Variants in ADCY8 observed in about 807,000 individuals in gnomAD.
ADCY8 encodes adenylate cyclase 8, also known as adenylate cyclase type 8.
A neutral mutation model predicts 119.7 loss-of-function variants in ADCY8; 51 were observed. The observed-to-expected ratio is 0.43, with a 90% CI of 0.34 to 0.54. The LOEUF is 0.54. Ranked by LOEUF, ADCY8 falls within the 20% of genes least tolerant of loss-of-function variation. The pLI is 0.03. For synonymous variants in ADCY8, 665 were observed against 651.0 expected, an observed-to-expected ratio of 1.02 and a Z score of -0.33; for missense variants, 1,383 against 1,598.8, an observed-to-expected ratio of 0.87 and a Z score of 2.30.
In ADCY8 at chr8:130,935,569, A is replaced by C. The variant is rs541842725; in HGVS notation, c.1481+1504T>G. Reference sequence around the variant, plus strand: ...TTCCTGCTGCTCCTTTTTGCAAGACAATGTGCTACAGCAACTGCACACCCT... The same window carrying C: ...TTCCTGCTGCTCCTTTTTGCAAGACCATGTGCTACAGCAACTGCACACCCT... On this transcript the variant is annotated intron_variant, in intron 5 of 17. Transcript: ENST00000286355. 337 of 152,370 alleles carry C rather than the reference A, an allele frequency of 2.2e-3. 2 individuals are homozygous for C. The highest frequency in any genetic ancestry group is 7.9e-3 in the African/African-American group (327 of 41,554). 9.4% of individuals were successfully genotyped at this position (152,370 alleles called of 1,614,324 possible). A position where few individuals can be genotyped will look rare whatever the true frequency, so the allele number is the denominator to read the frequency against.
At chr8:130,874,343 AAATAAATAAAT>A (rs2130422791) in intron 8 of ADCY8, among the ~76,000 whole-genome samples, 1 of 108,710 alleles carries the variant, frequency 9.2e-6, no homozygotes, top group South Asian at 2.9e-4. Context: ...ATAAATAAAT[AAATAAATAAAT>A]AAAATACACC....
At chr8:130,820,736 T>C (rs1269866453) in intron 13 of ADCY8, among the ~76,000 whole-genome samples, 2 of 152,192 alleles carry the variant, frequency 1.3e-5, no homozygotes, top group East Asian at 3.8e-4. Context: ...TAGGGGCTCA[T>C]GGAAAGCATA....
chr8:130,810,283 A>ACAGTCCT (rs1264856384), intron 14 of ADCY8, among the ~76,000 whole-genome samples: 1 of 152,086 alleles, frequency 6.6e-6, no homozygotes, highest in Admixed American at 6.5e-5. Context: ...GCCGGCCACT[A>ACAGTCCT]CAGTCCTGCC....
chr8:130,913,675 G>A (rs1477742017), intron 5 of ADCY8, among the ~76,000 whole-genome samples: 1 of 152,004 alleles, frequency 6.6e-6, no homozygotes. Flanking sequence ...CTGTAATAAA[G>A]TGTGAATGAA....
chr8:130,948,718 G>A (rs1029489752), intron 3 of ADCY8, among the ~76,000 whole-genome samples: 8 of 151,848 alleles, frequency 5.3e-5, no homozygotes, highest in Non-Finnish European at 1.2e-4. Flanking sequence ...GAGGGTGACG[G>A]GCTTGGAAAT....
At chr8:130,819,571 C>T (rs1816445463) in intron 13 of ADCY8, among the ~76,000 whole-genome samples, 1 of 152,156 alleles carries the variant, frequency 6.6e-6, no homozygotes, top group Non-Finnish European at 1.5e-5. Flanking sequence ...TCAGCTATTT[C>T]CAGGGATTTC....
At chr8:130,920,796 A>G (rs1449240194) in intron 5 of ADCY8, among the ~76,000 whole-genome samples, 1 of 152,192 alleles carries the variant, frequency 6.6e-6, no homozygotes, top group African/African-American at 2.4e-5. Flanking sequence ...ACCCTCCACA[A>G]TGTGTGTGGG....
chr8:130,862,773 T>G (rs1817983704), intron 9 of ADCY8, among the ~76,000 whole-genome samples: 1 of 152,232 alleles, frequency 6.6e-6, no homozygotes, highest in Non-Finnish European at 1.5e-5. Context: ...GAGTGTGTTA[T>G]TTAATCTCCA....
intron 14 of ADCY8, among the ~76,000 whole-genome samples, chr8:130,808,412 G>A (rs970657166): frequency 1.4e-4 from 21 of 152,260 alleles, no homozygotes; most frequent in Middle Eastern, 3.4e-3. Flanking sequence ...ACCAGTGTGC[G>A]TTTAAAATAT....
chr8:130,935,589 C>T (rs773946369), intron 5 of ADCY8: 7 of 152,268 alleles, frequency 4.6e-5, no homozygotes, highest in Non-Finnish European at 8.8e-5. Flanking sequence ...AGCAACTGCA[C>T]ACCCTACTCA....
chr8:130,957,847 T>C (rs573042184), intron 2 of ADCY8, among the ~76,000 whole-genome samples: 2 of 152,338 alleles, frequency 1.3e-5, no homozygotes, highest in East Asian at 1.9e-4. Flanking sequence ...AAGTTAAGAA[T>C]TGGGGTTTGG....
At chr8:130,991,032 G>T (rs989238661) in intron 1 of ADCY8, among the ~76,000 whole-genome samples, 1 of 152,186 alleles carries the variant, frequency 6.6e-6, no homozygotes, top group Non-Finnish European at 1.5e-5. Context: ...TCCAAGTCTT[G>T]TTTCTAACTC....
At chr8:130,930,714 C>T (rs1326729470) in intron 5 of ADCY8, among the ~76,000 whole-genome samples, 1 of 152,040 alleles carries the variant, frequency 6.6e-6, no homozygotes, top group Non-Finnish European at 1.5e-5. Context: ...CACTTCTCTC[C>T]AGCATTTTCT....
At chr8:131,014,636 G>T (rs1823412851) in intron 1 of ADCY8, among the ~76,000 whole-genome samples, 1 of 152,146 alleles carries the variant, frequency 6.6e-6, no homozygotes. Context: ...TAGCCTAGTA[G>T]TTCAAAGATC....
In ADCY8 at chr8:131,040,502, T is replaced by C; in HGVS notation, c.-169A>G. ...GGGCTCCCTGTAGGTCGGGTCATAC[T>C]GTGCCCAGGGGCAAAGGGCACCTGG... On this transcript the variant is annotated 5_prime_UTR_variant, in exon 1 of 18. Coordinates refer to ENST00000286355, the MANE Select transcript of ADCY8 (RefSeq NM_001115.3). 1.3e-6 allele frequency: 1 copy of C among 774,248 alleles called. No individual in the cohort carries two copies. The highest frequency in any genetic ancestry group is 1.8e-6 in the Non-Finnish European group (1 of 555,774). The allele number at this position is 774,248 out of a possible 1,614,324, so 48.0% of individuals were successfully genotyped here.
At chr8:130,988,007 G>T (rs1337411435) in intron 2 of ADCY8, among the ~76,000 whole-genome samples, 1 of 152,172 alleles carries the variant, frequency 6.6e-6, no homozygotes, top group Non-Finnish European at 1.5e-5. Flanking sequence ...CTCACACAAA[G>T]TAATTCTAAC....
At chr8:131,018,922 T>C (rs1586660597) in intron 1 of ADCY8, among the ~76,000 whole-genome samples, 1 of 152,150 alleles carries the variant, frequency 6.6e-6, no homozygotes, top group African/African-American at 2.4e-5. Flanking sequence ...TGTCTATCAG[T>C]GGAGGTCTAT....
intron 14 of ADCY8, among the ~76,000 whole-genome samples, chr8:130,812,870 T>C (rs1353624933): frequency 6.6e-6 from 1 of 152,188 alleles, no homozygotes; most frequent in East Asian, 1.9e-4. Context: ...CATACATACA[T>C]TTATGTATAT....
intron 4 of ADCY8, among the ~76,000 whole-genome samples, chr8:130,942,401 A>G (rs1820982768): frequency 1.3e-5 from 2 of 152,174 alleles, no homozygotes; most frequent in South Asian, 4.1e-4. Context: ...CTTCCTCATA[A>G]CACATGGCAC....
Sources: allele counts gnomAD v4.1 joint callset (sites outside exome capture counted in the v4.1 genomes callset), GRCh38; gene constraint gnomAD v4.1.1; transcripts MANE v1.5; gene names NCBI Gene and HGNC (gene_info 2026-07-23, HGNC 2026-07-21).